Variants in GRM8 observed in about 807,000 individuals in gnomAD.
GRM8 encodes metabotropic glutamate receptor 8.
A neutral mutation model predicts 87.2 loss-of-function variants in GRM8; 47 were observed. The observed-to-expected ratio is 0.54, with a 90% CI of 0.43 to 0.69. GRM8 has a LOEUF of 0.69. GRM8 is among the 30% of genes least tolerant of loss of function. GRM8 has a pLI of 0.00. For missense variants in GRM8, 1,019 were observed against 1,139.2 expected (o/e 0.89, Z 1.52); for synonymous variants, 396 against 404.5 (o/e 0.98, Z 0.25).
intron 2 of GRM8, among the ~76,000 whole-genome samples, chr7:127,139,023 A>T (rs1357094795): frequency 2.0e-5 from 3 of 152,154 alleles, no homozygotes; most frequent in Admixed American, 6.5e-5. Context: ...GATATATGCG[A>T]CATGCCCAAG....
intron 8 of GRM8, among the ~76,000 whole-genome samples, chr7:126,534,284 G>A (rs1049185324): frequency 6.6e-6 from 1 of 152,140 alleles, no homozygotes; most frequent in Non-Finnish European, 1.5e-5. Flanking sequence ...ACTGGGCTAG[G>A]ATATAAACAT....
intron 8 of GRM8, among the ~76,000 whole-genome samples, chr7:126,537,808 C>A (rs1377200065): frequency 6.6e-6 from 1 of 151,696 alleles, no homozygotes; most frequent in East Asian, 1.9e-4. Context: ...ACAAAAAAAA[C>A]ACTATTTGAA....
intron 7 of GRM8, among the ~76,000 whole-genome samples, chr7:126,609,987 C>G (rs999269041): frequency 6.6e-6 from 1 of 152,168 alleles, no homozygotes; most frequent in Admixed American, 6.5e-5. Flanking sequence ...TGTGCCTCTG[C>G]TACCTCTGCC....
chr7:126,852,594 C>T (rs1209437700), intron 6 of GRM8, among the ~76,000 whole-genome samples: 1 of 152,146 alleles, frequency 6.6e-6, no homozygotes, highest in Non-Finnish European at 1.5e-5. Context: ...TTAGAAATTG[C>T]TTTTGTGCCA....
intron 9 of GRM8, among the ~76,000 whole-genome samples, chr7:126,447,778 T>C (rs924131211): frequency 2.6e-5 from 4 of 151,942 alleles, no homozygotes; most frequent in African/African-American, 7.2e-5. Context: ...GTTAAGAAAC[T>C]GTCTTTGGAT....
intron 7 of GRM8, among the ~76,000 whole-genome samples, chr7:126,693,047 G>C (rs1470499558): frequency 1.3e-5 from 2 of 152,164 alleles, no homozygotes; most frequent in African/African-American, 2.4e-5. Flanking sequence ...AAGTTGGCTG[G>C]AAGAGTGAAT....
At chr7:126,944,380 G>A (rs1807301443) in intron 3 of GRM8, among the ~76,000 whole-genome samples, 1 of 152,180 alleles carries the variant, frequency 6.6e-6, no homozygotes, top group Admixed American at 6.5e-5. Context: ...GCTGGGCCTG[G>A]AGTCCTGGCC....
chr7:126,532,765 ATATATATATATATATATATAT>A (rs1815034282), intron 9 of GRM8, among the ~76,000 whole-genome samples, 166 bp downstream of exon 9: 1 of 1,694 alleles, frequency 5.9e-4, no homozygotes, highest in Non-Finnish European at 1.1e-3. Context: ...ACGGATGGAG[ATATATATATATATATATATAT>A]ATATATATAT....
At chr7:126,633,602 A>T (rs1801561157) in intron 7 of GRM8, among the ~76,000 whole-genome samples, 2 of 152,170 alleles carry the variant, frequency 1.3e-5, no homozygotes, top group Non-Finnish European at 2.9e-5. Context: ...TGATATTCTT[A>T]TATCATTTAA....
Position 127,127,180 on chromosome 7 carries a change from TG to T in GRM8, c.511-20469del, listed in dbSNP as rs568592509. ...TTGGCAGATATATATATCCCTTATG[TG>T]TGTGGGGGGTATACACACACTCACA... On this transcript the variant is annotated intron_variant, in intron 2 of 10. Coordinates refer to ENST00000339582, the MANE Select transcript of GRM8 (RefSeq NM_000845.3). Among the ~76,000 whole-genome samples, 18 of 152,068 alleles carry T rather than the reference TG, an allele frequency of 1.2e-4. No homozygotes were observed. The South Asian group carries it at 3.3e-3, about 28-fold the overall frequency.
chr7:126,949,184 G>T (rs1406164921), intron 3 of GRM8, among the ~76,000 whole-genome samples: 4 of 152,080 alleles, frequency 2.6e-5, no homozygotes, highest in Admixed American at 2.6e-4. Context: ...TTAACATTTA[G>T]CATCATGCAG....
At chr7:126,614,891 C>T (rs993140350) in intron 7 of GRM8, among the ~76,000 whole-genome samples, 4 of 152,278 alleles carry the variant, frequency 2.6e-5, no homozygotes, top group South Asian at 2.1e-4. Context: ...ACCAAATCTA[C>T]GTCTGATTGG....
intron 6 of GRM8, among the ~76,000 whole-genome samples, chr7:126,894,404 T>C (rs1194595522): frequency 6.6e-6 from 1 of 152,062 alleles, no homozygotes; most frequent in Non-Finnish European, 1.5e-5. Context: ...ACATTCATCT[T>C]CCAATCAATC....
At chr7:127,043,654 A>G (rs539874335) in intron 3 of GRM8, among the ~76,000 whole-genome samples, 95 of 152,302 alleles carry the variant, frequency 6.2e-4, no homozygotes, top group African/African-American at 2.2e-3. Context: ...TAGGAGATAT[A>G]CCTAATGTTA....
chr7:126,861,453 T>C (rs1231303856), intron 6 of GRM8, among the ~76,000 whole-genome samples: 7 of 152,064 alleles, frequency 4.6e-5, no homozygotes. Context: ...TTTTCAACAT[T>C]ACTAGATATT....
intron 3 of GRM8, among the ~76,000 whole-genome samples, chr7:127,077,124 G>A (rs141089338): frequency 6.6e-6 from 1 of 152,256 alleles, no homozygotes; most frequent in Admixed American, 6.5e-5. Context: ...TGGAGTGTGT[G>A]TGCAGATGTG....
chr7:126,830,349 G>T (rs532427762), intron 6 of GRM8, among the ~76,000 whole-genome samples: 1 of 152,118 alleles, frequency 6.6e-6, no homozygotes, highest in Non-Finnish European at 1.5e-5. Context: ...CCAATCAGAC[G>T]CAGATTTGGT....
intron 3 of GRM8, among the ~76,000 whole-genome samples, chr7:127,103,606 G>T (rs1336415955): frequency 6.6e-6 from 1 of 152,138 alleles, no homozygotes; most frequent in Non-Finnish European, 1.5e-5. Flanking sequence ...CACCTCCATT[G>T]TCTAGAAAAC....
At chr7:126,825,451 G>A (rs957815799) in intron 6 of GRM8, among the ~76,000 whole-genome samples, 6 of 152,262 alleles carry the variant, frequency 3.9e-5, no homozygotes, top group Admixed American at 3.9e-4. Context: ...TAACAATGAG[G>A]AAATCTAAGG....
Sources: gnomAD v4.1 joint callset for allele counts (sites outside exome capture counted in the v4.1 genomes callset) on GRCh38, gnomAD v4.1.1 for gene constraint, MANE v1.5 for transcripts, NCBI Gene and HGNC (gene_info 2026-07-23, HGNC 2026-07-21) for gene names.